CNTNAP3B: variants seen among roughly 807,000 people sequenced by gnomAD.
The protein encoded by CNTNAP3B is contactin associated protein family member 3B.
A neutral mutation model predicts 108.9 loss-of-function variants in CNTNAP3B; 25 were observed. The observed-to-expected ratio is 0.23, with a 90% CI of 0.17 to 0.32. The LOEUF is 0.32. Among genes scored for constraint, CNTNAP3B ranks in the 10% least tolerant of loss-of-function variants. The pLI is 1.00. For synonymous variants in CNTNAP3B, 103 were observed against 473.4 expected (o/e 0.22, Z 10.16); for missense variants, 252 against 1,210.4 (o/e 0.21, Z 11.75).
Position 42,077,025 on chromosome 9 carries a change from G to A in CNTNAP3B, c.234C>T (p.Tyr78=), listed in dbSNP as rs200792832. 1,580 of 1,532,794 alleles carry A rather than the reference G, an allele frequency of 1.0e-3. 231 individuals are homozygous for A. Among genetic ancestry groups the A allele is most frequent in the Non-Finnish European group, 1.3e-3 (1,491 of 1,136,746 alleles). 94.9% of individuals were successfully genotyped at this position (1,532,794 alleles called of 1,614,324 possible). A position where few individuals can be genotyped will look rare whatever the true frequency, so the allele number is the denominator to read the frequency against. Residue 78 remains tyrosine, a synonymous_variant, in exon 3 of 24, where the codon TAC becomes TAT. Coordinates refer to ENST00000377561, the MANE Select transcript of CNTNAP3B (RefSeq NM_001201380.3). ...GGWTPLVSNK[Y]QWLQIDLGER... is the part of the protein sequence containing the mutation. ...CTCCAAGGTCAATTTGCAGCCATTG[G>A]TATTTATTTGACACAAGTGGGGTCC...
chr9:42,076,310 C>T (rs1181394618), intron 3 of CNTNAP3B, among the ~76,000 whole-genome samples: 2 of 126,652 alleles, frequency 1.6e-5, no homozygotes, highest in African/African-American at 3.3e-5. Flanking sequence ...CCTGTAGTCC[C>T]AGCTACTAAG....
chr9:41,957,923 G>T (rs1824917788), intron 12 of CNTNAP3B, among the ~76,000 whole-genome samples: 1 of 151,870 alleles, frequency 6.6e-6, no homozygotes, highest in Non-Finnish European at 1.5e-5. Flanking sequence ...ACTACGCCCG[G>T]CTAATTTTGT....
At chr9:41,913,432 C>T (rs1266137749) in intron 18 of CNTNAP3B, among the ~76,000 whole-genome samples, 2 of 151,812 alleles carry the variant, frequency 1.3e-5, no homozygotes, top group African/African-American at 2.4e-5. Context: ...TTTCACTTTC[C>T]TTCTGACTTA....
intron 3 of CNTNAP3B, among the ~76,000 whole-genome samples, chr9:42,049,299 GCTT>G (rs1314445982): frequency 7.2e-6 from 1 of 139,362 alleles, no homozygotes; most frequent in Non-Finnish European, 1.5e-5. Context: ...CCACACTATA[GCTT>G]CTTTGACATG....
intron 14 of CNTNAP3B, among the ~76,000 whole-genome samples, chr9:41,937,215 C>T (rs1356297779): frequency 1.3e-5 from 2 of 149,918 alleles, no homozygotes; most frequent in Non-Finnish European, 3.0e-5. Flanking sequence ...GCAACCTCTA[C>T]CTCCTGGGTT....
rs1233643509 is a variant in CNTNAP3B, at chr9:42,081,393, T to C, written c.197-4331A>G. Among the ~76,000 whole-genome samples the C allele has an allele frequency of 2.7e-5, 4 of 145,790 alleles. 1 individual carries two copies. Among genetic ancestry groups the C allele is most frequent in the Non-Finnish European group, 6.0e-5 (4 of 66,582 alleles). On this transcript the variant is annotated intron_variant, in intron 2 of 23. Transcript: ENST00000377561. ...TTAAGTTTTCAAGTTCTGAGGAAAT[T>C]ATTAAAGTTTTGCCACTTATTTTGT...
At chr9:41,918,010 G>A (rs1823565380) in intron 18 of CNTNAP3B, among the ~76,000 whole-genome samples, 1 of 152,310 alleles carries the variant, frequency 6.6e-6, no homozygotes, top group African/African-American at 2.4e-5. Flanking sequence ...TATTTCCTTA[G>A]GACATTTTCT....
Position 42,121,200 on chromosome 9 carries a change from G to A in CNTNAP3B, c.85+7810C>T, listed in dbSNP as rs1380281199. On this transcript the variant is annotated intron_variant, in intron 1 of 23. Coordinates refer to ENST00000377561, the MANE Select transcript of CNTNAP3B (RefSeq NM_001201380.3). ...GCACAGCTGTGAAACACATTCTACC[G>A]GCTTCCTGAGAGCTTCCCAGGGAGT... Among the ~76,000 whole-genome samples the A allele has an allele frequency of 5.8e-5, 8 of 138,066 alleles. 1 individual carries two copies. In the East Asian group the frequency reaches 6.6e-4, roughly 11 times the overall value. 90.6% of individuals were successfully genotyped at this position (138,066 alleles called of 152,430 possible).
chr9:42,084,423 GTTTAC>G (rs1330336676), intron 2 of CNTNAP3B, among the ~76,000 whole-genome samples: 1 of 96,492 alleles, frequency 1.0e-5, no homozygotes, highest in Non-Finnish European at 2.2e-5. Context: ...CAGATAGTGT[GTTTAC>G]TTTCTTCAGG....
At chr9:41,912,178 AGTT>A (rs1239751807) in intron 18 of CNTNAP3B, among the ~76,000 whole-genome samples, 21 of 141,896 alleles carry the variant, frequency 1.5e-4, no homozygotes, top group Non-Finnish European at 2.8e-4. Context: ...TTCAACATAC[AGTT>A]GTTTATATTC....
chr9:41,943,850 A>C (rs1824442521), intron 13 of CNTNAP3B, among the ~76,000 whole-genome samples: 1 of 152,294 alleles, frequency 6.6e-6, no homozygotes, highest in Non-Finnish European at 1.5e-5. Context: ...AAAAAACCAC[A>C]CCTAGGCATC....
chr9:41,971,042 T>G (rs1157740675), intron 9 of CNTNAP3B, among the ~76,000 whole-genome samples: 1 of 150,206 alleles, frequency 6.7e-6, no homozygotes, highest in Non-Finnish European at 1.5e-5. Flanking sequence ...AAAATTTCAC[T>G]ACAATCGTCA....
At chr9:42,044,255 A>T (rs1826821936) in intron 3 of CNTNAP3B, among the ~76,000 whole-genome samples, 1 of 150,958 alleles carries the variant, frequency 6.6e-6, no homozygotes, top group African/African-American at 2.5e-5. Flanking sequence ...TTATAAAAGC[A>T]ACTTCATCAC....
intron 3 of CNTNAP3B, among the ~76,000 whole-genome samples, chr9:42,018,718 T>C (rs1432242389): frequency 1.3e-5 from 2 of 151,638 alleles, no homozygotes; most frequent in Non-Finnish European, 1.5e-5. Flanking sequence ...CTGTAAGTGA[T>C]ACATCATATG....
intron 13 of CNTNAP3B, among the ~76,000 whole-genome samples, chr9:41,944,765 A>T (rs767809601): frequency 5.9e-5 from 9 of 152,014 alleles, no homozygotes; most frequent in Non-Finnish European, 7.4e-5. Context: ...CAAAATTGAC[A>T]AATGGGATCT....
Position 41,937,930 on chromosome 9 carries a change from C to T in CNTNAP3B, c.2237+314G>A, listed in dbSNP as rs1440635807. ...TTTTTGAATTGCCACATGAATACTA[C>T]GTTAATTAATTAACTAAACTTCGCA... On this transcript the variant is annotated intron_variant, in intron 14 of 23. Transcript: ENST00000377561. 6.8e-3 allele frequency: 2,168 copies of T among 318,798 alleles called. 2 individuals carry two copies. Among genetic ancestry groups the T allele is most frequent in the Non-Finnish European group, 8.2e-3 (1,398 of 170,792 alleles). The allele number at this position is 318,798 out of a possible 1,614,324, so 19.7% of individuals were successfully genotyped here. A position where few individuals can be genotyped will look rare whatever the true frequency, so the allele number is the denominator to read the frequency against.
At chr9:41,941,399 G>C (rs1824338294) in intron 13 of CNTNAP3B, among the ~76,000 whole-genome samples, 1 of 148,534 alleles carries the variant, frequency 6.7e-6, no homozygotes, top group African/African-American at 2.5e-5. Context: ...AAAGCAGAAT[G>C]GCTATCTCAT....
At chr9:42,044,474 CT>C (rs1826827235) in intron 3 of CNTNAP3B, among the ~76,000 whole-genome samples, 1 of 132,714 alleles carries the variant, frequency 7.5e-6, no homozygotes, top group Admixed American at 7.6e-5. Context: ...TTTAAATAGC[CT>C]TTTATGGGGA....
chr9:42,058,332 CAGT>C (rs199683493), intron 3 of CNTNAP3B, among the ~76,000 whole-genome samples: 29,482 of 143,670 alleles, frequency 0.21, no homozygotes, highest in South Asian at 0.27. Context: ...TTGCCACCAA[CAGT>C]ATACAGGGAT....
Sources: gnomAD v4.1 joint callset for allele counts (sites outside exome capture counted in the v4.1 genomes callset) on GRCh38, gnomAD v4.1.1 for gene constraint, MANE v1.5 for transcripts, NCBI Gene and HGNC (gene_info 2026-07-23, HGNC 2026-07-21) for gene names.